LSAMP: variants seen among roughly 807,000 people sequenced by gnomAD.
The protein encoded by LSAMP is limbic system associated membrane protein.
In LSAMP, 7 loss-of-function variants were observed where a neutral mutation model predicts 38.6. The ratio of observed to expected loss-of-function variants is 0.18; its 90% CI spans 0.10 to 0.34. LSAMP has a LOEUF of 0.34. Ranked by LOEUF, LSAMP falls within the 10% of genes least tolerant of loss-of-function variation. The pLI is 1.00. For missense variants in LSAMP, 313 were observed against 420.0 expected (o/e 0.75, Z 2.23); for synonymous variants, 154 against 166.8 (o/e 0.92, Z 0.59).
Position 116,063,506 on chromosome 3 carries a change from C to T in LSAMP, c.388+22818G>A, listed in dbSNP as rs574302694. On this transcript the variant is annotated intron_variant, in intron 2 of 6. Transcript: ENST00000490035. ...TATATCCTACTTTCAGAAAGCCCAA[C>T]GTTGCATTGAAAACATGAATGCAAA... Among the ~76,000 whole-genome samples the T allele has an allele frequency of 1.2e-4, 18 of 152,170 alleles. No individual in the cohort carries two copies. The East Asian group carries it at 3.3e-3, about 28-fold the overall frequency.
chr3:116,210,383 G>T (rs892194258), intron 1 of LSAMP, among the ~76,000 whole-genome samples: 4 of 152,156 alleles, frequency 2.6e-5, no homozygotes, highest in African/African-American at 9.7e-5. Flanking sequence ...TCAGGAGAAG[G>T]TGGAAGAGCA....
chr3:116,066,219 T>A (rs1247987287), intron 2 of LSAMP, among the ~76,000 whole-genome samples: 1 of 152,188 alleles, frequency 6.6e-6, no homozygotes, highest in East Asian at 1.9e-4. Flanking sequence ...GGGCCTATTT[T>A]ACAGAGGCAC....
chr3:116,070,866 C>T (rs936990322), intron 2 of LSAMP, among the ~76,000 whole-genome samples: 2 of 151,948 alleles, frequency 1.3e-5, no homozygotes, highest in African/African-American at 4.8e-5. Context: ...CATGGAGAAA[C>T]CCCATCTCTA....
At chr3:116,109,538 G>C (rs1198582288) in intron 1 of LSAMP, among the ~76,000 whole-genome samples, 1 of 152,138 alleles carries the variant, frequency 6.6e-6, no homozygotes. Flanking sequence ...TGGACGTCAG[G>C]CACCTCAGAC....
At chr3:116,035,898 C>A (rs1941034795) in intron 2 of LSAMP, among the ~76,000 whole-genome samples, 1 of 152,210 alleles carries the variant, frequency 6.6e-6, no homozygotes, top group South Asian at 2.1e-4. Flanking sequence ...TGGGACCATA[C>A]AACTGGGCTG....
chr3:116,249,074 A>T (rs2046643988), intron 1 of LSAMP, among the ~76,000 whole-genome samples: 1 of 150,204 alleles, frequency 6.7e-6, no homozygotes, highest in Admixed American at 6.7e-5. Context: ...GCGTGAACCC[A>T]GGAGGTGGAG....
chr3:116,038,806 G>A (rs1941103748), intron 2 of LSAMP, among the ~76,000 whole-genome samples: 1 of 152,200 alleles, frequency 6.6e-6, no homozygotes, highest in African/African-American at 2.4e-5. Flanking sequence ...TTTTCTGCAT[G>A]TTATAAGACA....
At chr3:116,428,764 T>G (rs1173316118) in intron 1 of LSAMP, among the ~76,000 whole-genome samples, 1 of 152,206 alleles carries the variant, frequency 6.6e-6, no homozygotes, top group African/African-American at 2.4e-5. Flanking sequence ...TCTGACATAT[T>G]TAGGACTTCA....
intron 3 of LSAMP, among the ~76,000 whole-genome samples, chr3:115,974,163 G>C (rs1375463259): frequency 6.6e-6 from 1 of 151,912 alleles, no homozygotes; most frequent in Non-Finnish European, 1.5e-5. Flanking sequence ...TGGCCAACAA[G>C]GTGAAACCCC....
chr3:115,834,499 G>C (rs1279178696), intron 6 of LSAMP: 1 of 1,111,930 alleles, frequency 9.0e-7, no homozygotes, highest in African/African-American at 1.6e-5. Context: ...TGTGTGTTTT[G>C]CATGTTAAAG....
intron 2 of LSAMP, among the ~76,000 whole-genome samples, chr3:116,072,324 CTA>C (rs1429313788): frequency 3.9e-5 from 6 of 152,132 alleles, no homozygotes; most frequent in African/African-American, 1.2e-4. Context: ...TGGGTTGATT[CTA>C]TGTCTTTCCT....
chr3:116,093,663 A>C (rs1181913328), intron 1 of LSAMP, among the ~76,000 whole-genome samples: 1 of 152,212 alleles, frequency 6.6e-6, no homozygotes, highest in Non-Finnish European at 1.5e-5. Context: ...AAGGAGAATC[A>C]TTTGGAGAAA....
intron 1 of LSAMP, among the ~76,000 whole-genome samples, chr3:116,444,478 T>C (rs550788291): frequency 6.7e-6 from 1 of 150,164 alleles, no homozygotes; most frequent in Admixed American, 6.6e-5. Context: ...TCCAACAACC[T>C]TTCTTTCAGA....
chr3:116,258,188 G>T (rs1376240897), intron 1 of LSAMP, among the ~76,000 whole-genome samples: 1 of 151,998 alleles, frequency 6.6e-6, no homozygotes, highest in Non-Finnish European at 1.5e-5. Context: ...TAACACCATT[G>T]CCTTTCTACA....
intron 3 of LSAMP, among the ~76,000 whole-genome samples, chr3:115,903,907 T>G (rs541938640): frequency 6.6e-6 from 1 of 152,324 alleles, no homozygotes; most frequent in African/African-American, 2.4e-5. Context: ...AAAAATAAAG[T>G]CTTCCCTCCA....
intron 1 of LSAMP, among the ~76,000 whole-genome samples, chr3:116,319,433 C>A (rs2047678196): frequency 6.6e-6 from 1 of 152,170 alleles, no homozygotes; most frequent in Non-Finnish European, 1.5e-5. Flanking sequence ...TCAGCACCAT[C>A]AGCATTCATA....
chr3:116,085,197 C>T (rs964371443), intron 2 of LSAMP, among the ~76,000 whole-genome samples: 1 of 152,096 alleles, frequency 6.6e-6, no homozygotes, highest in African/African-American at 2.4e-5. Flanking sequence ...GTAGACATGC[C>T]TTTACAAGCA....
intron 2 of LSAMP, among the ~76,000 whole-genome samples, chr3:116,064,263 C>T (rs1005957067): frequency 9.9e-5 from 15 of 152,124 alleles, no homozygotes; most frequent in South Asian, 2.1e-4. Flanking sequence ...TGGTGGCTCA[C>T]GCCTGTAATC....
At chr3:116,137,978 G>C (rs1709288076) in intron 1 of LSAMP, among the ~76,000 whole-genome samples, 1 of 152,126 alleles carries the variant, frequency 6.6e-6, no homozygotes, top group South Asian at 2.1e-4. Flanking sequence ...GGAAAACAAA[G>C]CCTGACCAGC....
Sources: allele counts gnomAD v4.1 joint callset (sites outside exome capture counted in the v4.1 genomes callset), GRCh38; gene constraint gnomAD v4.1.1; transcripts MANE v1.5; gene names NCBI Gene and HGNC (gene_info 2026-07-23, HGNC 2026-07-21).